The following SHISA9 variants were observed in gnomAD, a reference collection of about 807,000 sequenced individuals.
SHISA9 encodes protein shisa-9.
A neutral mutation model predicts 38.0 loss-of-function variants in SHISA9; 13 were observed. The observed-to-expected ratio is 0.34, with a 90% CI of 0.22 to 0.54. The LOEUF (loss-of-function observed/expected upper bound fraction) is 0.54, where lower values mean the gene tolerates loss of function less well. SHISA9 is among the 20% of genes least tolerant of loss of function. The probability of loss-of-function intolerance (pLI) is 0.91; values close to 1 mark genes in which losing one functional copy is unlikely to be tolerated. For synonymous variants in SHISA9, 275 were observed against 242.0 expected (o/e 1.14, Z -1.27); for missense variants, 538 against 575.8 (o/e 0.93, Z 0.67).
chr16:13,467,395 G>A, the SHISA9 span, among the ~76,000 whole-genome samples: 4 of 152,118 alleles, frequency 2.6e-5, no homozygotes, highest in Admixed American at 2.6e-4. Context: ...TTTGAATTCT[G>A]AGCCTGGCAC....
the SHISA9 span, among the ~76,000 whole-genome samples, chr16:13,339,955 C>G: frequency 2.0e-5 from 3 of 152,088 alleles, no homozygotes; most frequent in Non-Finnish European, 2.9e-5. Context: ...ATTAATTGGA[C>G]TCTGCTATTA....
At chr16:13,455,316 T>C in the SHISA9 span, among the ~76,000 whole-genome samples, 2 of 152,284 alleles carry the variant, frequency 1.3e-5, no homozygotes, top group African/African-American at 2.4e-5. Flanking sequence ...CACCATCCCA[T>C]AGGATATGTC....
At chr16:12,997,627 A>T (rs2072474760) in intron 2 of SHISA9, among the ~76,000 whole-genome samples, 1 of 151,946 alleles carries the variant, frequency 6.6e-6, no homozygotes, top group African/African-American at 2.4e-5. Context: ...GCTGGTCTCG[A>T]TCTCCTGACC....
intron 2 of SHISA9, among the ~76,000 whole-genome samples, chr16:13,021,367 T>C (rs996460466): frequency 6.6e-6 from 1 of 152,176 alleles, no homozygotes; most frequent in Admixed American, 6.5e-5. Context: ...ACGGTAGTGC[T>C]GAGGTTGAGA....
At chr16:13,420,769 C>T in the SHISA9 span, among the ~76,000 whole-genome samples, 6 of 152,254 alleles carry the variant, frequency 3.9e-5, no homozygotes, top group African/African-American at 1.4e-4. Context: ...GCACAAATGC[C>T]CCTGACCCTC....
chr16:13,511,622 T>G, the SHISA9 span, among the ~76,000 whole-genome samples: 1 of 152,044 alleles, frequency 6.6e-6, no homozygotes, highest in Non-Finnish European at 1.5e-5. Flanking sequence ...GCCCCACAAA[T>G]TGCCTCTACT....
intron 3 of SHISA9, among the ~76,000 whole-genome samples, chr16:13,212,127 T>C (rs910261757): frequency 1.3e-5 from 2 of 152,206 alleles, no homozygotes; most frequent in African/African-American, 2.4e-5. Flanking sequence ...GGATCTGTGC[T>C]CTGTAATCAT....
chr16:13,003,883 T>TAAGAAG (rs201617457), intron 2 of SHISA9, among the ~76,000 whole-genome samples: 270 of 147,200 alleles, frequency 1.8e-3, no homozygotes, highest in African/African-American at 3.8e-3. Context: ...ATAATAATAA[T>TAAGAAG]AATAATAAGA....
intron 2 of SHISA9, among the ~76,000 whole-genome samples, chr16:13,081,065 T>C (rs2073643120): frequency 6.6e-6 from 1 of 152,210 alleles, no homozygotes; most frequent in African/African-American, 2.4e-5. Flanking sequence ...CATTGGGAAT[T>C]AGCTTCAACA....
intron 2 of SHISA9, among the ~76,000 whole-genome samples, chr16:12,943,215 G>A (rs577535519): frequency 3.2e-4 from 48 of 151,618 alleles, no homozygotes; most frequent in Non-Finnish European, 5.3e-4. Flanking sequence ...GTTGGAGTGG[G>A]TGGGGTCAAC....
At chr16:12,909,434 T>C (rs1274057864) in intron 1 of SHISA9, 1 of 985,434 alleles carries the variant, frequency 1.0e-6, no homozygotes, top group Non-Finnish European at 1.2e-6. Flanking sequence ...AGATTGGACA[T>C]TGGGATACCT....
At chr16:12,909,684 A>C in intron 1 of SHISA9, 1 of 820,016 alleles carries the variant, frequency 1.2e-6, no homozygotes, top group Non-Finnish European at 1.5e-6. Context: ...GACCAGGCTT[A>C]GTTGCTTCCC....
the SHISA9 span, among the ~76,000 whole-genome samples, chr16:13,359,466 G>C: frequency 6.6e-6 from 1 of 152,214 alleles, no homozygotes; most frequent in Non-Finnish European, 1.5e-5. Flanking sequence ...CTAGGTGACA[G>C]AGTGAGACTC....
At chr16:13,464,723 T>G in the SHISA9 span, among the ~76,000 whole-genome samples, 1 of 152,172 alleles carries the variant, frequency 6.6e-6, no homozygotes, top group Non-Finnish European at 1.5e-5. Context: ...TGGCTGAAGT[T>G]GAGTGCTTAC....
intron 2 of SHISA9, among the ~76,000 whole-genome samples, chr16:13,116,701 C>A (rs16961164): frequency 6.6e-6 from 1 of 152,098 alleles, no homozygotes; most frequent in African/African-American, 2.4e-5. Context: ...AATTGCTAAT[C>A]TAGACTGAGT....
At chr16:13,008,003 G>T (rs574395478) in intron 2 of SHISA9, among the ~76,000 whole-genome samples, 11 of 152,122 alleles carry the variant, frequency 7.2e-5, no homozygotes, top group African/African-American at 2.4e-4. Flanking sequence ...GCTTTGTACC[G>T]CAAGCCTCTG....
chr16:13,215,925 A>G (rs149103391), intron 4 of SHISA9, among the ~76,000 whole-genome samples: 2,387 of 152,226 alleles, frequency 0.016, 60 homozygotes, highest in African/African-American at 0.056. Context: ...GGTGTCTCAC[A>G]CCTGTAATCC....
the SHISA9 span, among the ~76,000 whole-genome samples, chr16:13,362,369 A>G: frequency 6.6e-6 from 1 of 152,292 alleles, no homozygotes; most frequent in Non-Finnish European, 1.5e-5. Flanking sequence ...TCGAGGCTGC[A>G]GTGAGCAGTG....
At chr16:13,003,859 A>AAAT (rs759908367) in intron 2 of SHISA9, among the ~76,000 whole-genome samples, 4,471 of 140,506 alleles carry the variant, frequency 0.032, 85 homozygotes, top group African/African-American at 0.063. Flanking sequence ...CTCCGTCTCA[A>AAAT]AATAATAATA....
Sources: gnomAD v4.1 joint callset for allele counts (sites outside exome capture counted in the v4.1 genomes callset) on GRCh38, gnomAD v4.1.1 for gene constraint, MANE v1.5 for transcripts, NCBI Gene and HGNC (gene_info 2026-07-23, HGNC 2026-07-21) for gene names.